SFMBT1: variants seen among roughly 807,000 people sequenced by gnomAD.
The protein encoded by SFMBT1 is scm-like with four MBT domains protein 1.
Under a neutral mutation model 108.7 loss-of-function variants are expected in SFMBT1, and 32 were observed. The observed-to-expected ratio is 0.29, with a 90% CI of 0.22 to 0.40. The LOEUF is 0.40. SFMBT1 is among the 10% of genes least tolerant of loss of function. The probability of loss-of-function intolerance (pLI) is 1.00; values close to 1 mark genes in which losing one functional copy is unlikely to be tolerated. For missense variants in SFMBT1, 816 were observed against 1,059.6 expected (o/e 0.77, Z 3.19); for synonymous variants, 348 against 369.5 (o/e 0.94, Z 0.67).
intron 1 of SFMBT1, among the ~76,000 whole-genome samples, chr3:53,029,171 CAAAAA>C (rs60211879): frequency 2.0e-5 from 1 of 49,108 alleles, no homozygotes; most frequent in Non-Finnish European, 4.4e-5. Context: ...GACTCCGTCT[CAAAAA>C]AAAAAAAAAA....
chr3:52,965,701 A>C (rs1414245295), intron 2 of SFMBT1, among the ~76,000 whole-genome samples: 1 of 151,878 alleles, frequency 6.6e-6, no homozygotes. Context: ...TCACTACTAG[A>C]CCTCCTTTAA....
chr3:52,933,221 T>C (rs1036080320), intron 5 of SFMBT1, among the ~76,000 whole-genome samples: 3 of 152,230 alleles, frequency 2.0e-5, no homozygotes, highest in African/African-American at 7.2e-5. Flanking sequence ...TTTATAGTAT[T>C]TTATGATATT....
At chr3:52,976,805 A>G (rs1175614460) in intron 1 of SFMBT1, among the ~76,000 whole-genome samples, 1 of 152,250 alleles carries the variant, frequency 6.6e-6, no homozygotes, top group East Asian at 1.9e-4. Flanking sequence ...TCAGATATGA[A>G]CGATAATTGT....
intron 2 of SFMBT1, 57 bp downstream of exon 2, chr3:52,969,043 CA>C (rs1704251220): frequency 6.3e-7 from 1 of 1,591,996 alleles, no homozygotes; most frequent in Non-Finnish European, 8.6e-7. Context: ...CAATATAACA[CA>C]GGCAAGTAAT....
At chr3:52,936,893 C>CTTTTTTT (rs5848969) in intron 4 of SFMBT1, among the ~76,000 whole-genome samples, 1 of 114,992 alleles carries the variant, frequency 8.7e-6, no homozygotes, top group Admixed American at 9.1e-5. Context: ...TTACACATTT[C>CTTTTTTT]TTTTTTTTTT....
chr3:52,916,678 AAACAAC>A (rs892386307), intron 13 of SFMBT1, among the ~76,000 whole-genome samples: 9 of 151,456 alleles, frequency 5.9e-5, no homozygotes, highest in African/African-American at 1.2e-4. Flanking sequence ...CAAAAAAACC[AAACAAC>A]AACAACAACA....
At chr3:52,938,452 C>T (rs2581797) in intron 4 of SFMBT1, among the ~76,000 whole-genome samples, 100,072 of 151,888 alleles carry the variant, frequency 0.66, 34,053 homozygotes, top group Non-Finnish European at 0.75. Context: ...CTACGGATTA[C>T]CTTTATATAA....
chr3:53,012,484 G>A (rs935734810), intron 1 of SFMBT1, among the ~76,000 whole-genome samples: 3 of 151,600 alleles, frequency 2.0e-5, no homozygotes, highest in African/African-American at 7.3e-5. Flanking sequence ...CTCACTGCAA[G>A]CTCCGCCTCC....
intron 2 of SFMBT1, among the ~76,000 whole-genome samples, chr3:52,962,808 C>CAAAAAAAAAAAAAAAAA (rs369325114): frequency 9.9e-5 from 10 of 101,404 alleles, no homozygotes; most frequent in African/African-American, 2.4e-4. Flanking sequence ...CTCCCTGTCT[C>CAAAAAAAAAAAAAAAAA]AAAAAAAAAA....
intron 1 of SFMBT1, among the ~76,000 whole-genome samples, chr3:53,024,272 C>T (rs544798294): frequency 3.3e-5 from 5 of 151,124 alleles, no homozygotes; most frequent in South Asian, 2.1e-4. Context: ...ATTTTAGATA[C>T]GCAGGTCACT....
chr3:52,907,071 T>G lies in SFMBT1; in HGVS notation c.2329A>C (p.Lys777Gln), dbSNP rs767606905. ...SDDENKPPSP[K>Q]EIRIEVAERL... The stretch of plus-strand genomic sequence containing the variant: ...AGAAACTATTTTTTAAATGGTACCT[T>G]TGGTGAAGGAGGTTTATTTTCATCG... The change falls in exon 19 of 21, where the codon AAG becomes CAG. Residue 777 changes from lysine to glutamine, a missense_variant and splice_region_variant. Lys to Gln is a moderately conservative substitution (Grantham distance 53, BLOSUM62 1). This residue lies in a region of SFMBT1 where 177 missense variants were observed against 182.0 expected (regional missense o/e 0.97). Transcript: ENST00000394752. 6 of 1,605,146 alleles carry G rather than the reference T, an allele frequency of 3.7e-6. No homozygotes were observed. In the South Asian group the frequency reaches 4.5e-5, roughly 12 times the overall value.
intron 2 of SFMBT1, among the ~76,000 whole-genome samples, chr3:52,966,266 G>A (rs1443619249): frequency 2.0e-5 from 3 of 147,208 alleles, no homozygotes; most frequent in South Asian, 2.1e-4. Flanking sequence ...GCAGTGAGCC[G>A]AGCCGAGATG....
At chr3:52,965,522 A>G (rs556688085) in intron 2 of SFMBT1, among the ~76,000 whole-genome samples, 1 of 152,140 alleles carries the variant, frequency 6.6e-6, no homozygotes. Context: ...CAATGACAGC[A>G]GATTTCTCAT....
At chr3:52,924,141 G>A (rs1010752141) in intron 10 of SFMBT1, among the ~76,000 whole-genome samples, 1 of 152,162 alleles carries the variant, frequency 6.6e-6, no homozygotes, top group African/African-American at 2.4e-5. Context: ...TCAGTAGAGT[G>A]AAGACATTTT....
At chr3:53,037,829 C>T (rs1699915501) in intron 1 of SFMBT1, among the ~76,000 whole-genome samples, 1 of 152,136 alleles carries the variant, frequency 6.6e-6, no homozygotes. Context: ...GTTTTAAAGG[C>T]CCGGCGCAGT....
chr3:52,962,404 A>T (rs1703990170), intron 2 of SFMBT1, among the ~76,000 whole-genome samples: 1 of 152,250 alleles, frequency 6.6e-6, no homozygotes, highest in African/African-American at 2.4e-5. Flanking sequence ...GCTGTAAAGC[A>T]ATGAGAACAA....
chr3:52,925,317 A>G (rs61386473), intron 10 of SFMBT1, among the ~76,000 whole-genome samples: 2,598 of 152,338 alleles, frequency 0.017, 68 homozygotes, highest in African/African-American at 0.058. Context: ...AAATTGTAAT[A>G]TAACTCTAAA....
chr3:53,017,035 C>T (rs1163898301), intron 1 of SFMBT1, among the ~76,000 whole-genome samples: 2 of 152,150 alleles, frequency 1.3e-5, no homozygotes, highest in African/African-American at 2.4e-5. Flanking sequence ...AAAATAGGAA[C>T]GAATGAGATC....
At chr3:52,935,599 T>A (rs1266266719) in intron 4 of SFMBT1, among the ~76,000 whole-genome samples, 1 of 152,154 alleles carries the variant, frequency 6.6e-6, no homozygotes, top group Non-Finnish European at 1.5e-5. Flanking sequence ...ATATATATAT[T>A]TTAGTACATA....
Sources: gnomAD v4.1 joint callset for allele counts (sites outside exome capture counted in the v4.1 genomes callset) on GRCh38, gnomAD v4.1.1 for gene constraint, gnomAD v4.1.1 regional missense constraint, MANE v1.5 for transcripts, NCBI Gene and HGNC (gene_info 2026-07-23, HGNC 2026-07-21) for gene names.